Variants in CAMKMT observed in about 807,000 individuals in gnomAD.
CAMKMT encodes the protein CaM KMT.
CAMKMT carries 53 observed loss-of-function variants against 48.0 expected under a neutral mutation model. The ratio of observed to expected loss-of-function variants is 1.10; its 90% CI spans 0.89 to 1.39. The LOEUF (loss-of-function observed/expected upper bound fraction) is 1.39, where lower values mean the gene tolerates loss of function less well. Among genes scored for constraint, CAMKMT ranks in the 40% most tolerant of loss-of-function variants. The pLI, the probability that CAMKMT is intolerant of heterozygous loss-of-function variation, is 0.00. For synonymous variants in CAMKMT, 165 were observed against 152.3 expected, an observed-to-expected ratio of 1.08 and a Z score of -0.61; for missense variants, 428 against 402.7, an observed-to-expected ratio of 1.06 and a Z score of -0.54.
At chr2:44,422,387 T>C (rs541323370) in intron 3 of CAMKMT, among the ~76,000 whole-genome samples, 4 of 152,320 alleles carry the variant, frequency 2.6e-5, no homozygotes, top group African/African-American at 9.6e-5. Flanking sequence ...CTAACTTATG[T>C]AGAAATAAAT....
chr2:44,588,917 A>T (rs1459317626), intron 3 of CAMKMT, among the ~76,000 whole-genome samples: 3 of 4,030 alleles, frequency 7.4e-4, no homozygotes, highest in Non-Finnish European at 1.4e-3. Flanking sequence ...TCCGGGAGGG[A>T]GGTGGGGGGA....
At chr2:44,639,673 C>G (rs757437749) in intron 3 of CAMKMT, among the ~76,000 whole-genome samples, 1 of 152,180 alleles carries the variant, frequency 6.6e-6, no homozygotes, top group Non-Finnish European at 1.5e-5. Context: ...ACTTTCAGCA[C>G]CAGCTCCTAT....
intron 3 of CAMKMT, chr2:44,394,943 G>A (rs1572744814): frequency 2.2e-6 from 1 of 455,134 alleles, no homozygotes; most frequent in Non-Finnish European, 4.4e-6. Flanking sequence ...ATGATTGCTT[G>A]AGCCCAAGAA....
At chr2:44,529,018 C>T (rs965374003) in intron 3 of CAMKMT, among the ~76,000 whole-genome samples, 1 of 151,998 alleles carries the variant, frequency 6.6e-6, no homozygotes, top group African/African-American at 2.4e-5. Context: ...GTTTATCTTT[C>T]TTCATTTATT....
intron 7 of CAMKMT, among the ~76,000 whole-genome samples, chr2:44,727,455 A>C (rs1678851594): frequency 6.6e-6 from 1 of 152,184 alleles, no homozygotes; most frequent in East Asian, 1.9e-4. Flanking sequence ...TGATTGTTGT[A>C]CATTGATTTT....
At chr2:44,412,414 C>CA (rs1209296508) in intron 3 of CAMKMT, among the ~76,000 whole-genome samples, 1 of 152,168 alleles carries the variant, frequency 6.6e-6, no homozygotes, top group Non-Finnish European at 1.5e-5. Flanking sequence ...TGGCTCACTG[C>CA]AACCTCTGCC....
At chr2:44,500,804 C>G (rs887914495) in intron 3 of CAMKMT, among the ~76,000 whole-genome samples, 1 of 151,674 alleles carries the variant, frequency 6.6e-6, no homozygotes, top group African/African-American at 2.4e-5. Context: ...GCCTCAGCCT[C>G]CTGAGTAGCT....
At chr2:44,374,892 G>A (rs1679524251) in intron 2 of CAMKMT, among the ~76,000 whole-genome samples, 1 of 152,082 alleles carries the variant, frequency 6.6e-6, no homozygotes, top group South Asian at 2.1e-4. Flanking sequence ...TACTTTGGGA[G>A]GCCGAAGCAA....
intron 3 of CAMKMT, among the ~76,000 whole-genome samples, chr2:44,694,517 G>A (rs901407351): frequency 2.0e-5 from 3 of 152,096 alleles, no homozygotes; most frequent in South Asian, 2.1e-4. Context: ...GAGCCATGAC[G>A]GTGCCACTGC....
chr2:44,439,322 C>G (rs1343069153), intron 3 of CAMKMT, among the ~76,000 whole-genome samples: 2 of 152,168 alleles, frequency 1.3e-5, no homozygotes, highest in African/African-American at 4.8e-5. Context: ...CTCCTACATC[C>G]TTAATTCCTC....
At chr2:44,712,626 A>C (rs976287100) in intron 6 of CAMKMT, among the ~76,000 whole-genome samples, 1 of 152,136 alleles carries the variant, frequency 6.6e-6, no homozygotes, top group African/African-American at 2.4e-5. Context: ...TGCCTAGACA[A>C]GGGGATTGGA....
chr2:44,549,832 T>C, intron 3 of CAMKMT: 1 of 398,406 alleles, frequency 2.5e-6, no homozygotes, highest in Non-Finnish European at 4.4e-6. Context: ...TGGCCATACA[T>C]TTTTGTCCCA....
chr2:44,514,984 T>C (rs889938680), intron 3 of CAMKMT, among the ~76,000 whole-genome samples: 2 of 152,190 alleles, frequency 1.3e-5, no homozygotes, highest in Non-Finnish European at 2.9e-5. Flanking sequence ...TCTGAGAAGT[T>C]GGGTAGTCCT....
chr2:44,446,076 C>T (rs1454230043), intron 3 of CAMKMT, among the ~76,000 whole-genome samples: 1 of 151,960 alleles, frequency 6.6e-6, no homozygotes, highest in Non-Finnish European at 1.5e-5. Context: ...GCTAGAGAAC[C>T]TCTGGGACTA....
chr2:44,709,084 C>A (rs942860384), intron 6 of CAMKMT, among the ~76,000 whole-genome samples: 6 of 152,112 alleles, frequency 3.9e-5, no homozygotes, highest in Admixed American at 1.3e-4. Context: ...CACACCTTTG[C>A]TTTAAACAAC....
chr2:44,561,913 G>A (rs1668343541), intron 3 of CAMKMT, among the ~76,000 whole-genome samples: 2 of 152,220 alleles, frequency 1.3e-5, no homozygotes, highest in Non-Finnish European at 2.9e-5. Context: ...CGATGGCCAG[G>A]TAGGGAAGTG....
At chr2:44,376,410 A>T (rs1679698454) in intron 2 of CAMKMT, among the ~76,000 whole-genome samples, 1 of 144,372 alleles carries the variant, frequency 6.9e-6, no homozygotes, top group African/African-American at 2.6e-5. Flanking sequence ...ACGAAGTGAG[A>T]CTCTGTATCA....
At chr2:44,592,215 A>G (rs921607965) in intron 3 of CAMKMT, among the ~76,000 whole-genome samples, 1 of 152,010 alleles carries the variant, frequency 6.6e-6, no homozygotes, top group African/African-American at 2.4e-5. Context: ...AAGTATAATA[A>G]TAATAATAAA....
At chr2:44,571,314 G>A (rs1353446317) in intron 3 of CAMKMT, among the ~76,000 whole-genome samples, 2 of 152,178 alleles carry the variant, frequency 1.3e-5, no homozygotes, top group African/African-American at 4.8e-5. Flanking sequence ...AGGTAAAAGA[G>A]AAGGGGTCTC....
Sources: gnomAD v4.1 joint callset for allele counts (sites outside exome capture counted in the v4.1 genomes callset) on GRCh38, gnomAD v4.1.1 for gene constraint, MANE v1.5 for transcripts, NCBI Gene and HGNC (gene_info 2026-07-23, HGNC 2026-07-21) for gene names.